CHSY1: variants seen among roughly 807,000 people sequenced by gnomAD.
The protein encoded by CHSY1 is N-acetylgalactosaminyl-proteoglycan 3-beta-glucuronosyltransferase 1.
In CHSY1, 13 loss-of-function variants were observed where a neutral mutation model predicts 59.8. The observed-to-expected ratio is 0.22, with a 90% CI of 0.14 to 0.35. The LOEUF is 0.35. Among genes scored for constraint, CHSY1 ranks in the 10% least tolerant of loss-of-function variants. The pLI is 1.00. For missense variants in CHSY1, 947 were observed against 1,030.6 expected (o/e 0.92, Z 1.11); for synonymous variants, 459 against 401.2 (o/e 1.14, Z -1.72).
intron 2 of CHSY1, among the ~76,000 whole-genome samples, chr15:101,221,879 G>C (rs112964430): frequency 0.025 from 3,407 of 134,698 alleles, 86 homozygotes; most frequent in African/African-American, 0.082. Context: ...AAATAGCTTT[G>C]TACTTTTTTT....
intron 1 of CHSY1, among the ~76,000 whole-genome samples, chr15:101,246,414 T>C (rs1596457052): frequency 6.6e-6 from 1 of 150,544 alleles, no homozygotes; most frequent in African/African-American, 2.4e-5. Flanking sequence ...ACAGAAACTC[T>C]CTCAGCAAGA....
chr15:101,235,694 G>C, intron 1 of CHSY1, 117 bp from the exon 2 acceptor site: 4 of 1,170,358 alleles, frequency 3.4e-6, no homozygotes, highest in Non-Finnish European at 5.0e-6. Flanking sequence ...AAAGCTACTT[G>C]GCCTGCTTGG....
chr15:101,245,849 A>G (rs1459895214), intron 1 of CHSY1, among the ~76,000 whole-genome samples: 3 of 152,314 alleles, frequency 2.0e-5, no homozygotes, highest in East Asian at 3.9e-4. Context: ...TTACAGGTTG[A>G]TTATTTGGAT....
chr15:101,190,962 C>T (rs2038436584), intron 2 of CHSY1, among the ~76,000 whole-genome samples: 1 of 152,184 alleles, frequency 6.6e-6, no homozygotes, highest in Non-Finnish European at 1.5e-5. Context: ...CTCTCGCTCA[C>T]TGCCGGGGAG....
chr15:101,188,280 T>C (rs2038396758), intron 2 of CHSY1: 1 of 732,518 alleles, frequency 1.4e-6, no homozygotes, highest in Middle Eastern at 7.2e-4. Context: ...TAACTGCTGG[T>C]AGCCAGTCAC....
intron 2 of CHSY1, among the ~76,000 whole-genome samples, chr15:101,213,312 G>A (rs199877548): frequency 2.1e-5 from 3 of 140,740 alleles, no homozygotes; most frequent in East Asian, 2.9e-4. Flanking sequence ...TCTGGGAAGT[G>A]ATACTAGTTT....
At chr15:101,220,741 G>A (rs889756564) in intron 2 of CHSY1, among the ~76,000 whole-genome samples, 8 of 152,212 alleles carry the variant, frequency 5.3e-5, no homozygotes, top group Admixed American at 5.2e-4. Flanking sequence ...CTCACAGGAC[G>A]CTGCCCCTCT....
At chr15:101,228,258 C>T (rs1428152887) in intron 2 of CHSY1, among the ~76,000 whole-genome samples, 1 of 151,772 alleles carries the variant, frequency 6.6e-6, no homozygotes, top group Non-Finnish European at 1.5e-5. Context: ...GAGTAGAACA[C>T]AGCATGACGG....
At position 101,178,475 on chromosome 15, in the gene CHSY1, G is replaced by C. The variant is rs775403538; in HGVS notation, c.1322C>G (p.Pro441Arg). ...EIQYGYRRVNPMYGAEYILDL... is the reference protein window; with the variant it reads ...EIQYGYRRVNRMYGAEYILDL... ...CAGGATGTACTCAGCCCCATACATGGGGTTCACCCGGCGGTAGCCGTACTG... is the reference window on the plus strand; with the variant it reads ...CAGGATGTACTCAGCCCCATACATGCGGTTCACCCGGCGGTAGCCGTACTG... Residue 441 changes from proline to arginine, a missense_variant, in exon 3 of 3, where the codon CCC (proline) becomes CGC (arginine). Physicochemically the swap from Pro to Arg is moderately radical, Grantham distance 103. Around this residue, in one of 4 missense-constraint regions of CHSY1, gnomAD observed 602 missense variants for 676.9 expected, o/e 0.89. Coordinates refer to ENST00000254190, the MANE Select transcript of CHSY1 (RefSeq NM_014918.5). 6.2e-7 allele frequency: 1 copy of C among 1,614,192 alleles called. No homozygotes were observed. Among genetic ancestry groups the C allele is most frequent in the South Asian group, 1.1e-5 (1 of 91,086 alleles).
intron 2 of CHSY1, among the ~76,000 whole-genome samples, chr15:101,217,896 G>C (rs912387856): frequency 1.3e-5 from 2 of 152,162 alleles, no homozygotes; most frequent in African/African-American, 4.8e-5. Context: ...ATGTAAAGGA[G>C]GGGAAAGGGT....
rs964006839 is a variant in CHSY1 at position 101,185,652 on chromosome 15, A to G, written c.817-6672T>C. ...TCTTTGCCTCTGTGGCAAGGCGGCC[A>G]TTTGTACTGAACTTTTGAATCCCCT... On this transcript the variant is annotated intron_variant, in intron 2 of 2. Transcript: ENST00000254190. Among the ~76,000 whole-genome samples, 4 of 147,996 alleles carry G rather than the reference A, an allele frequency of 2.7e-5. No individual in the cohort carries two copies. In the East Asian group the frequency reaches 8.0e-4, roughly 29 times the overall value.
chr15:101,186,967 C>A (rs974352329), intron 2 of CHSY1, among the ~76,000 whole-genome samples: 1 of 152,216 alleles, frequency 6.6e-6, no homozygotes, highest in African/African-American at 2.4e-5. Context: ...CTCTGACATT[C>A]TTCTGCCCAC....
chr15:101,203,995 A>G (rs1343455266), intron 2 of CHSY1, among the ~76,000 whole-genome samples: 2 of 152,230 alleles, frequency 1.3e-5, no homozygotes, highest in East Asian at 1.9e-4. Context: ...TGTAGATTAC[A>G]TAACTGTGCT....
At chr15:101,250,701 C>T (rs2039098499) in intron 1 of CHSY1, among the ~76,000 whole-genome samples, 1 of 152,216 alleles carries the variant, frequency 6.6e-6, no homozygotes, top group Admixed American at 6.5e-5. Flanking sequence ...ACTAGATTAA[C>T]GTACACGGGC....
chr15:101,242,259 A>G (rs770929803), intron 1 of CHSY1, among the ~76,000 whole-genome samples: 23 of 152,214 alleles, frequency 1.5e-4, no homozygotes, highest in Admixed American at 1.2e-3. Context: ...TACGCAAGGA[A>G]CGAAAGGCAA....
intron 2 of CHSY1, among the ~76,000 whole-genome samples, chr15:101,220,891 C>A (rs1007373212): frequency 1.3e-5 from 2 of 152,202 alleles, no homozygotes; most frequent in African/African-American, 4.8e-5. Context: ...TTGCCTCTCA[C>A]TCTCTCAGCT....
At chr15:101,220,868 A>G (rs917685085) in intron 2 of CHSY1, among the ~76,000 whole-genome samples, 8 of 152,132 alleles carry the variant, frequency 5.3e-5, no homozygotes, top group African/African-American at 1.9e-4. Context: ...CCTTTCCCAG[A>G]TATGACCATG....
chr15:101,211,139 CATGATA>C (rs1214507099), intron 2 of CHSY1, among the ~76,000 whole-genome samples: 1 of 152,120 alleles, frequency 6.6e-6, no homozygotes, highest in Non-Finnish European at 1.5e-5. Context: ...GCCTGGCCAA[CATGATA>C]AAGCCCTGTC....
At chr15:101,196,858 TA>T (rs1467548753) in intron 2 of CHSY1, among the ~76,000 whole-genome samples, 1 of 152,208 alleles carries the variant, frequency 6.6e-6, no homozygotes, top group African/African-American at 2.4e-5. Context: ...ACCTCATTTG[TA>T]TTTGAAAGAA....
Sources: allele counts gnomAD v4.1 joint callset (sites outside exome capture counted in the v4.1 genomes callset), GRCh38; gene constraint gnomAD v4.1.1; regional missense constraint gnomAD v4.1.1; transcripts MANE v1.5; gene names NCBI Gene and HGNC (gene_info 2026-07-23, HGNC 2026-07-21).